Variants in CTNND2 observed in about 807,000 individuals in gnomAD.
The protein encoded by CTNND2 is catenin delta 2, also known as catenin delta-2.
A neutral mutation model predicts 144.4 loss-of-function variants in CTNND2; 22 were observed. The observed-to-expected ratio is 0.15, with a 90% CI of 0.11 to 0.22. The LOEUF (loss-of-function observed/expected upper bound fraction) is 0.22, where lower values mean the gene tolerates loss of function less well. Ranked by LOEUF, CTNND2 falls within the 10% of genes least tolerant of loss-of-function variation. CTNND2 has a pLI of 1.00. For missense variants in CTNND2, 1,353 were observed against 1,618.8 expected, an observed-to-expected ratio of 0.84 and a Z score of 2.82; for synonymous variants, 751 against 695.6, an observed-to-expected ratio of 1.08 and a Z score of -1.25.
At chr5:11,350,204 T>G (rs32122) in intron 8 of CTNND2, among the ~76,000 whole-genome samples, 51,802 of 152,038 alleles carry the variant, frequency 0.34, 9,604 homozygotes, top group Admixed American at 0.48. Flanking sequence ...CCCCTTTAAA[T>G]AATTAATAAC....
chr5:11,073,487 T>C (rs745383268), intron 16 of CTNND2, among the ~76,000 whole-genome samples: 3 of 152,260 alleles, frequency 2.0e-5, no homozygotes, highest in Non-Finnish European at 2.9e-5. Context: ...CAACTGGAAA[T>C]GTTTCAGTTT....
At chr5:11,329,492 C>T (rs929364729) in intron 9 of CTNND2, among the ~76,000 whole-genome samples, 2 of 152,180 alleles carry the variant, frequency 1.3e-5, no homozygotes, top group Non-Finnish European at 2.9e-5. Flanking sequence ...TCTCCAAATA[C>T]AGTCACATTC....
At chr5:11,744,685 T>TTG (rs61002492) in intron 1 of CTNND2, among the ~76,000 whole-genome samples, 131,721 of 147,770 alleles carry the variant, frequency 0.89, 59,633 homozygotes, top group Non-Finnish European at 0.99. Context: ...GTGTGTGTGT[T>TTG]TGTGTGTGTG....
At chr5:11,174,618 A>G (rs1760278043) in intron 11 of CTNND2, among the ~76,000 whole-genome samples, 1 of 152,168 alleles carries the variant, frequency 6.6e-6, no homozygotes, top group South Asian at 2.1e-4. Flanking sequence ...CATCTGTTTC[A>G]GGACTATCAG....
intron 14 of CTNND2, among the ~76,000 whole-genome samples, chr5:11,107,177 C>T (rs1009550760): frequency 3.9e-5 from 6 of 152,110 alleles, no homozygotes; most frequent in Non-Finnish European, 7.4e-5. Context: ...GAAGGAGGCA[C>T]GCTGAAGGTG....
intron 7 of CTNND2, among the ~76,000 whole-genome samples, chr5:11,370,178 T>TTG (rs1757336759): frequency 6.6e-6 from 1 of 152,044 alleles, no homozygotes; most frequent in Admixed American, 6.6e-5. Context: ...CTTGGGTTTT[T>TTG]TTTTTTTTTT....
At chr5:11,078,257 C>A (rs1382280220) in intron 16 of CTNND2, among the ~76,000 whole-genome samples, 1 of 152,172 alleles carries the variant, frequency 6.6e-6, no homozygotes, top group African/African-American at 2.4e-5. Flanking sequence ...ATAGCATTTT[C>A]CTACAAAAAC....
chr5:11,718,743 G>A (rs1472058554), intron 2 of CTNND2, among the ~76,000 whole-genome samples: 3 of 152,040 alleles, frequency 2.0e-5, no homozygotes, highest in East Asian at 1.9e-4. Flanking sequence ...TCTCTCCAGC[G>A]GATTTATAGA....
chr5:11,083,943 C>T, intron 15 of CTNND2: 2 of 1,147,082 alleles, frequency 1.7e-6, no homozygotes, highest in South Asian at 3.4e-5. Context: ...CCTGCCACAT[C>T]CTCAGCCCAG....
At chr5:11,324,692 T>A (rs988666530) in intron 9 of CTNND2, among the ~76,000 whole-genome samples, 34 of 152,202 alleles carry the variant, frequency 2.2e-4, no homozygotes, top group African/African-American at 8.0e-4. Context: ...AATGCCTGTC[T>A]TCTCAGCCGA....
intron 3 of CTNND2, among the ~76,000 whole-genome samples, chr5:11,505,823 C>T (rs1399632903): frequency 2.6e-5 from 4 of 152,272 alleles, no homozygotes; most frequent in Non-Finnish European, 4.4e-5. Context: ...CAGCTCCTCA[C>T]GATCCTCTGT....
chr5:11,586,918 C>T (rs1215152865), intron 2 of CTNND2, among the ~76,000 whole-genome samples: 16 of 151,604 alleles, frequency 1.1e-4, no homozygotes, highest in Admixed American at 1.1e-3. Context: ...TCAGATATAT[C>T]CACATAATAT....
chr5:11,774,458 A>C (rs1790126201), intron 1 of CTNND2, among the ~76,000 whole-genome samples: 1 of 145,918 alleles, frequency 6.9e-6, no homozygotes, highest in South Asian at 2.3e-4. Flanking sequence ...CTAGATGACG[A>C]GTTAGTGGGT....
intron 1 of CTNND2, among the ~76,000 whole-genome samples, chr5:11,880,956 TACC>T (rs1220560314): frequency 1.4e-4 from 21 of 146,982 alleles, no homozygotes; most frequent in East Asian, 5.9e-4. Context: ...CTACTACTAC[TACC>T]ACTACTACTA....
intron 12 of CTNND2, among the ~76,000 whole-genome samples, chr5:11,155,160 T>C (rs1758103351): frequency 6.6e-6 from 1 of 152,214 alleles, no homozygotes; most frequent in African/African-American, 2.4e-5. Flanking sequence ...CTGGTTAGCG[T>C]TCAGACCATG....
At chr5:11,759,105 T>C (rs1270324972) in intron 1 of CTNND2, among the ~76,000 whole-genome samples, 1 of 152,208 alleles carries the variant, frequency 6.6e-6, no homozygotes, top group East Asian at 1.9e-4. Context: ...AGCACTTGCT[T>C]CTTTACATAG....
intron 8 of CTNND2, among the ~76,000 whole-genome samples, chr5:11,362,758 C>T (rs1756594654): frequency 6.6e-6 from 1 of 152,152 alleles, no homozygotes; most frequent in Admixed American, 6.5e-5. Flanking sequence ...TTGCCTCCCT[C>T]ATAGGCGGTA....
intron 2 of CTNND2, among the ~76,000 whole-genome samples, chr5:11,688,170 C>T (rs1784742097): frequency 6.6e-6 from 1 of 152,094 alleles, no homozygotes; most frequent in South Asian, 2.1e-4. Context: ...TACTTATTAA[C>T]GTTTCTGGGA....
At chr5:11,431,288 A>T (rs1333224708) in intron 3 of CTNND2, among the ~76,000 whole-genome samples, 1 of 152,188 alleles carries the variant, frequency 6.6e-6, no homozygotes, top group Non-Finnish European at 1.5e-5. Flanking sequence ...CAGGAAAGCA[A>T]CCTGGTTGGT....
Sources: allele counts gnomAD v4.1 joint callset (sites outside exome capture counted in the v4.1 genomes callset), GRCh38; gene constraint gnomAD v4.1.1; transcripts MANE v1.5; gene names NCBI Gene and HGNC (gene_info 2026-07-23, HGNC 2026-07-21).